Variants in TGFA observed in about 807,000 individuals in gnomAD.
TGFA encodes protransforming growth factor alpha.
In TGFA, 12 loss-of-function variants were observed where a neutral mutation model predicts 21.7. The ratio of observed to expected loss-of-function variants is 0.55; its 90% CI spans 0.35 to 0.90. TGFA has a LOEUF of 0.90. TGFA is among the 40% of genes least tolerant of loss of function. The pLI is 0.01. For missense variants in TGFA, 178 were observed against 210.8 expected, an observed-to-expected ratio of 0.84 and a Z score of 0.96; for synonymous variants, 79 against 88.1, an observed-to-expected ratio of 0.90 and a Z score of 0.58.
At chr2:70,476,092 A>AAAAAT (rs1670918660) in intron 2 of TGFA, among the ~76,000 whole-genome samples, 10 of 149,898 alleles carry the variant, frequency 6.7e-5, no homozygotes, top group Admixed American at 2.0e-4. Context: ...AAAAAAAAAA[A>AAAAAT]AAAAAAAAAA....
intron 4 of TGFA, among the ~76,000 whole-genome samples, chr2:70,455,832 G>A (rs1670210898): frequency 6.6e-6 from 1 of 152,190 alleles, no homozygotes; most frequent in African/African-American, 2.4e-5. Flanking sequence ...ATACAACACA[G>A]CAACTGAGTT....
At chr2:70,483,377 AT>A (rs1307394908) in intron 2 of TGFA, among the ~76,000 whole-genome samples, 3 of 152,126 alleles carry the variant, frequency 2.0e-5, no homozygotes, top group Non-Finnish European at 2.9e-5. Flanking sequence ...CAATTTTTAC[AT>A]TTGCTGCTAT....
rs564076631 is a variant in TGFA at position 70,553,811 on chromosome 2, C to G, written c.-44G>C. 3 of 1,251,326 alleles carry G rather than the reference C, an allele frequency of 2.4e-6. No homozygotes were observed. The African/African-American group carries it at 4.6e-5, about 19-fold the overall frequency. The allele number at this position is 1,251,326 out of a possible 1,614,324, so 77.5% of individuals were successfully genotyped here. ...GCAGGCTCTCCAGCCTCCTGCCCTA[C>G]CTGCGGTGCCCGAGTGGCGGAGCGG... On this transcript the variant is annotated 5_prime_UTR_variant, in exon 1 of 6. Transcript: ENST00000295400.
intron 2 of TGFA, among the ~76,000 whole-genome samples, chr2:70,480,874 C>T (rs1194061775): frequency 2.0e-5 from 3 of 151,974 alleles, no homozygotes; most frequent in African/African-American, 7.3e-5. Flanking sequence ...GCCAACATTC[C>T]TGCCTCTTCC....
At position 70,535,315 on chromosome 2, in the gene TGFA, G is replaced by C. The variant is rs543679356; in HGVS notation, c.40+18413C>G. ...ATTCAGGAGCTGAGGGCAAGGGCTA[G>C]GTCATGGTTCTCTTTGCATTAATAA... is the stretch of plus-strand genomic sequence containing the variant. On this transcript the variant is annotated intron_variant, in intron 1 of 5. Transcript: ENST00000295400. Among the ~76,000 whole-genome samples, 8 of 152,280 alleles carry C rather than the reference G, an allele frequency of 5.3e-5. No individual in the cohort carries two copies. The South Asian group carries it at 1.7e-3, about 32-fold the overall frequency.
At chr2:70,491,674 C>T (rs1373984584) in intron 2 of TGFA, among the ~76,000 whole-genome samples, 4 of 152,238 alleles carry the variant, frequency 2.6e-5, no homozygotes, top group Non-Finnish European at 5.9e-5. Flanking sequence ...GTCCCATGCA[C>T]ATGACTGTTG....
At chr2:70,478,113 CTCCA>C (rs1670992727) in intron 2 of TGFA, among the ~76,000 whole-genome samples, 1 of 152,194 alleles carries the variant, frequency 6.6e-6, no homozygotes. Flanking sequence ...TCTGTCCGTT[CTCCA>C]TCCTGGAGGG....
intron 3 of TGFA, among the ~76,000 whole-genome samples, chr2:70,458,913 G>A (rs1670322878): frequency 6.6e-6 from 1 of 152,222 alleles, no homozygotes; most frequent in South Asian, 2.1e-4. Flanking sequence ...TGAACAGAAT[G>A]GGGCCGGGGA....
chr2:70,516,874 C>T (rs182235407), intron 1 of TGFA, among the ~76,000 whole-genome samples: 1,610 of 135,860 alleles, frequency 0.012, 28 homozygotes, highest in African/African-American at 0.051. Context: ...CACAAACTGC[C>T]CCGAACTAAA....
At chr2:70,553,707 C>A in intron 1 of TGFA, 21 bp downstream of exon 1, 1 of 1,326,360 alleles carries the variant, frequency 7.5e-7, no homozygotes, top group Non-Finnish European at 9.7e-7. Flanking sequence ...GCGCAGGGGG[C>A]GCCGCAGCCG....
intron 1 of TGFA, among the ~76,000 whole-genome samples, chr2:70,537,903 T>C (rs1337793001): frequency 6.6e-6 from 1 of 152,236 alleles, no homozygotes; most frequent in Non-Finnish European, 1.5e-5. Context: ...AATTAGAAGA[T>C]GATGCCATCT....
intron 2 of TGFA, among the ~76,000 whole-genome samples, chr2:70,473,397 A>G (rs939745426): frequency 5.3e-5 from 8 of 151,588 alleles, no homozygotes; most frequent in African/African-American, 1.9e-4. Context: ...GGGAGGTGAG[A>G]ATAATTCTTA....
At chr2:70,507,268 T>C (rs1671955497) in intron 2 of TGFA, among the ~76,000 whole-genome samples, 1 of 152,258 alleles carries the variant, frequency 6.6e-6, no homozygotes, top group African/African-American at 2.4e-5. Flanking sequence ...CACTGCCTCT[T>C]CTTTCTAGAC....
chr2:70,470,837 G>A (rs1161104999), intron 2 of TGFA, among the ~76,000 whole-genome samples: 1 of 152,152 alleles, frequency 6.6e-6, no homozygotes, highest in Non-Finnish European at 1.5e-5. Context: ...ATTATCATTA[G>A]AAGGTTGTTT....
At chr2:70,515,274 C>A (rs1672236962) in intron 1 of TGFA, among the ~76,000 whole-genome samples, 1 of 152,088 alleles carries the variant, frequency 6.6e-6, no homozygotes, top group African/African-American at 2.4e-5. Flanking sequence ...CCATTTCAAC[C>A]ATTTTAATTG....
In TGFA at chr2:70,524,386, G is replaced by A. The variant is rs114772892; in HGVS notation, c.41-9474C>T. Among the ~76,000 whole-genome samples the A allele has an allele frequency of 8.3e-3, 1,263 of 152,378 alleles. 19 individuals carry two copies. The highest frequency in any genetic ancestry group is 0.028 in the African/African-American group (1,176 of 41,584). On this transcript the variant is annotated intron_variant, in intron 1 of 5. Coordinates refer to ENST00000295400, the MANE Select transcript of TGFA (RefSeq NM_003236.4). ...GAGTTTAAGCCTTATCAAAGACTTA[G>A]ACCAGGGGCTGGGTACTGAGTCAAC...
At position 70,451,133 on chromosome 2, in the gene TGFA, C is replaced by G. The variant is rs10189245; in HGVS notation, c.476-267G>C. Among the ~76,000 whole-genome samples the G allele has an allele frequency of 3.3e-4, 50 of 150,528 alleles. No homozygotes were observed. The East Asian group carries it at 5.9e-3, about 18-fold the overall frequency. On this transcript the variant is annotated intron_variant, in intron 5 of 5. Transcript: ENST00000295400. ...CAGAAGGAAGGCAGATGGGGGGGAGCGGGGGGATGCCCCCTGTTGTGAGGG... is the reference window on the plus strand; with the variant it reads ...CAGAAGGAAGGCAGATGGGGGGGAGGGGGGGGATGCCCCCTGTTGTGAGGG...
intron 4 of TGFA, among the ~76,000 whole-genome samples, chr2:70,454,939 G>T (rs1314944529): frequency 6.6e-6 from 1 of 152,204 alleles, no homozygotes; most frequent in Admixed American, 6.5e-5. Flanking sequence ...TGACCCTCCT[G>T]GCCATAGACA....
At chr2:70,456,202 A>G (rs1465358535) in intron 4 of TGFA, 137 bp downstream of exon 4, 7 of 1,230,694 alleles carry the variant, frequency 5.7e-6, no homozygotes, top group Non-Finnish European at 7.8e-6. Flanking sequence ...TCAAAGTAGC[A>G]TTTAGCTTTC....
Sources: gnomAD v4.1 joint callset for allele counts (sites outside exome capture counted in the v4.1 genomes callset) on GRCh38, gnomAD v4.1.1 for gene constraint, MANE v1.5 for transcripts, NCBI Gene and HGNC (gene_info 2026-07-23, HGNC 2026-07-21) for gene names.